The following NEURL1 variants were observed in gnomAD, a reference collection of about 807,000 sequenced individuals.
NEURL1 encodes E3 ubiquitin-protein ligase NEURL1.
NEURL1 carries 26 observed loss-of-function variants against 41.2 expected under a neutral mutation model. The observed-to-expected ratio is 0.63, with a 90% CI of 0.46 to 0.87. The LOEUF (loss-of-function observed/expected upper bound fraction) is 0.87. NEURL1 is among the 40% of genes least tolerant of loss of function. NEURL1 has a pLI of 0.00. For synonymous variants in NEURL1, 400 were observed against 402.3 expected, an observed-to-expected ratio of 0.99 and a Z score of 0.07; for missense variants, 761 against 871.1, an observed-to-expected ratio of 0.87 and a Z score of 1.59.
chr10:103,535,255 G>T (rs72848966), intron 1 of NEURL1, among the ~76,000 whole-genome samples: 31,503 of 152,042 alleles, frequency 0.21, 3,349 homozygotes, highest in Non-Finnish European at 0.23. Flanking sequence ...AGGGAGAGGG[G>T]TATGTCAGCG....
chr10:103,520,215 A>G (rs12268628), intron 1 of NEURL1, among the ~76,000 whole-genome samples: 75,023 of 152,072 alleles, frequency 0.49, 19,286 homozygotes, highest in African/African-American at 0.62. Flanking sequence ...AGTGTCACGT[A>G]CGTCCGTGTG....
chr10:103,508,672 A>T lies in NEURL1; in HGVS notation c.85+14200A>T, dbSNP rs1224502665. ...GTGGGACTGAGGAGACCAGCCAGAC[A>T]TGCAGACCCTGATGTGGGCCCAGGG... On this transcript the variant is annotated intron_variant, in intron 1 of 5. Coordinates refer to ENST00000369780, the MANE Select transcript of NEURL1 (RefSeq NM_004210.5). The surrounding 1 kb of genome is among the most constrained non-coding windows in gnomAD (Gnocchi z 4.3). 6.6e-6 allele frequency among the ~76,000 whole-genome samples: 1 copy of T among 152,142 alleles called. No individual in the cohort carries two copies. The highest frequency in any genetic ancestry group is 1.5e-5 in the Non-Finnish European group (1 of 68,010).
chr10:103,497,112 G>C (rs1029483716), intron 1 of NEURL1, among the ~76,000 whole-genome samples: 1 of 152,180 alleles, frequency 6.6e-6, no homozygotes, highest in Non-Finnish European at 1.5e-5. Context: ...CTCCTTCTCA[G>C]CTTGACTTCT....
intron 1 of NEURL1, among the ~76,000 whole-genome samples, chr10:103,552,487 G>A (rs186640100): frequency 1.3e-4 from 20 of 152,308 alleles, no homozygotes; most frequent in Middle Eastern, 6.8e-3. Context: ...CCACAGCACA[G>A]GGCCATTAGC....
intron 1 of NEURL1, among the ~76,000 whole-genome samples, chr10:103,522,423 C>T (rs189288010): frequency 0.013 from 1,942 of 150,068 alleles, 34 homozygotes; most frequent in African/African-American, 0.044. Context: ...GCCTGACCAA[C>T]GTGAAGAAAC....
intron 1 of NEURL1, among the ~76,000 whole-genome samples, chr10:103,516,227 C>CAAAAAAAA (rs59180957): frequency 3.4e-5 from 2 of 59,244 alleles, no homozygotes; most frequent in Non-Finnish European, 6.6e-5. Flanking sequence ...GACCCCATCT[C>CAAAAAAAA]AAAAAAAAAA....
chr10:103,509,011 C>T (rs1230155688), intron 1 of NEURL1, among the ~76,000 whole-genome samples: 2 of 152,092 alleles, frequency 1.3e-5, no homozygotes, highest in African/African-American at 2.4e-5. Flanking sequence ...GGTGGATCAC[C>T]TGAGGTCAGG....
chr10:103,571,177 G>C (rs1282335873), intron 2 of NEURL1, 64 bp downstream of exon 2: 2 of 1,544,416 alleles, frequency 1.3e-6, no homozygotes, highest in Non-Finnish European at 1.8e-6. Flanking sequence ...GCATCCCCTG[G>C]GCCTCTGGAC....
At position 103,570,952 on chromosome 10, in the gene NEURL1, G is replaced by C. The variant is rs201830019; in HGVS notation, c.166G>C (p.Gly56Arg). 100 of 1,613,776 alleles carry C rather than the reference G, an allele frequency of 6.2e-5. No homozygotes were observed. The highest frequency in any genetic ancestry group is 8.0e-5 in the Non-Finnish European group (94 of 1,180,006). ...QKHCPAVLPS[G>R]GLPATPLLFH... Reference sequence around the variant, plus strand: ...GCACTGTCCGGCAGTGCTGCCCAGCGGGGGGCTCCCAGCCACGCCGCTGCT... The same window carrying C: ...GCACTGTCCGGCAGTGCTGCCCAGCCGGGGGCTCCCAGCCACGCCGCTGCT... The change falls in exon 2 of 6, where the codon GGG (glycine) becomes CGG (arginine). Residue 56 changes from glycine to arginine, a missense_variant. Around this residue, in one of 5 missense-constraint regions of NEURL1, gnomAD observed 94 missense variants for 96.6 expected, o/e 0.97. Coordinates refer to ENST00000369780, the MANE Select transcript of NEURL1 (RefSeq NM_004210.5).
chr10:103,521,684 G>A (rs1463918574), intron 1 of NEURL1, among the ~76,000 whole-genome samples: 1 of 152,162 alleles, frequency 6.6e-6, no homozygotes, highest in Non-Finnish European at 1.5e-5. Flanking sequence ...TATTCTCCTT[G>A]GTCCAAGAAC....
At chr10:103,509,323 C>T (rs995080410) in intron 1 of NEURL1, among the ~76,000 whole-genome samples, 97 of 151,842 alleles carry the variant, frequency 6.4e-4, no homozygotes, top group African/African-American at 2.1e-3. Context: ...TGTTGTTAGG[C>T]GATTTCGTCA....
chr10:103,518,100 G>A (rs1250135603), intron 1 of NEURL1, among the ~76,000 whole-genome samples: 1 of 152,102 alleles, frequency 6.6e-6, no homozygotes, highest in Non-Finnish European at 1.5e-5. Flanking sequence ...CATGGACTGG[G>A]AGTACCTTAT....
intron 1 of NEURL1, among the ~76,000 whole-genome samples, chr10:103,504,438 A>G (rs568651131): frequency 6.6e-6 from 1 of 152,170 alleles, no homozygotes; most frequent in South Asian, 2.1e-4. Flanking sequence ...TGTTCTTCTC[A>G]TGATTAGATT....
chr10:103,583,402 A>C (rs1287470786), intron 3 of NEURL1, among the ~76,000 whole-genome samples: 1 of 152,104 alleles, frequency 6.6e-6, no homozygotes, highest in Non-Finnish European at 1.5e-5. Context: ...TTTATATAGC[A>C]TGACTCAATT....
intron 1 of NEURL1, among the ~76,000 whole-genome samples, chr10:103,546,126 C>T (rs2034919862): frequency 6.6e-6 from 1 of 152,206 alleles, no homozygotes. Flanking sequence ...CCTTGGCCTC[C>T]CAAAGCTCTG....
chr10:103,572,193 C>T (rs2035564933), intron 3 of NEURL1, among the ~76,000 whole-genome samples: 1 of 152,212 alleles, frequency 6.6e-6, no homozygotes, highest in African/African-American at 2.4e-5. Context: ...TTGATTCTTG[C>T]CTGTTCTCAT....
At chr10:103,570,327 T>A (rs17115730) in intron 1 of NEURL1, among the ~76,000 whole-genome samples, 2,067 of 152,252 alleles carry the variant, frequency 0.014, 50 homozygotes, top group African/African-American at 0.045. Flanking sequence ...GGCCGCCCAT[T>A]GTGCCAGAGA....
At chr10:103,501,655 G>A (rs1352585547) in intron 1 of NEURL1, among the ~76,000 whole-genome samples, 4 of 37,540 alleles carry the variant, frequency 1.1e-4, no homozygotes, top group African/African-American at 3.2e-4. Flanking sequence ...ATTTTGAGAC[G>A]GAGTTTCCCT....
chr10:103,526,672 C>T (rs9419956), intron 1 of NEURL1, among the ~76,000 whole-genome samples: 71,679 of 151,532 alleles, frequency 0.47, 17,458 homozygotes, highest in East Asian at 0.57. Context: ...CCACCATGCC[C>T]GGGTAATTTT....
Sources: gnomAD v4.1 joint callset for allele counts (sites outside exome capture counted in the v4.1 genomes callset) on GRCh38, gnomAD v4.1.1 for gene constraint, gnomAD v4.1.1 regional missense constraint, Gnocchi (gnomAD v3.1) non-coding constraint, MANE v1.5 for transcripts, NCBI Gene and HGNC (gene_info 2026-07-23, HGNC 2026-07-21) for gene names.